Variants in SBNO1 observed in about 807,000 individuals in gnomAD.
The protein encoded by SBNO1 is strawberry notch homolog 1, also known as protein strawberry notch homolog 1.
Under a neutral mutation model 173.6 loss-of-function variants are expected in SBNO1, and 23 were observed. That is an observed-to-expected ratio of 0.13 (90% CI 0.10 to 0.19). The LOEUF is 0.19. Among genes scored for constraint, SBNO1 ranks in the 10% least tolerant of loss-of-function variants. SBNO1 has a pLI of 1.00. For synonymous variants in SBNO1, 632 were observed against 571.5 expected, an observed-to-expected ratio of 1.11 and a Z score of -1.51; for missense variants, 1,238 against 1,671.2, an observed-to-expected ratio of 0.74 and a Z score of 4.52.
chr12:123,346,723 T>C (rs898715158), intron 3 of SBNO1, among the ~76,000 whole-genome samples: 34 of 151,958 alleles, frequency 2.2e-4, no homozygotes, highest in Non-Finnish European at 4.3e-4. Flanking sequence ...CTTTTTTCAA[T>C]ATTTTGACTT....
At position 123,356,587 on chromosome 12, in the gene SBNO1, G is replaced by A. The variant is rs1376354311; in HGVS notation, c.1-6146C>T. Among the ~76,000 whole-genome samples, 5 of 152,136 alleles carry A rather than the reference G, an allele frequency of 3.3e-5. No individual in the cohort carries two copies. In the East Asian group the frequency reaches 5.8e-4, roughly 18 times the overall value. ...CTCCAGAGTAGCTGGTATTACAGGC[G>A]CGTGCCCCCACACCCAGCTAATTTT... On this transcript the variant is annotated intron_variant, in intron 1 of 31. Coordinates refer to ENST00000602398, the MANE Select transcript of SBNO1 (RefSeq NM_001167856.3).
At chr12:123,325,768 T>C (rs1217457360) in intron 14 of SBNO1, among the ~76,000 whole-genome samples, 169 bp from the exon 15 acceptor site, 1 of 100,406 alleles carries the variant, frequency 1.0e-5, no homozygotes, top group Non-Finnish European at 2.8e-5. Flanking sequence ...GACAGGTTAT[T>C]TGTCAAAAAT....
rs1299613347 is a variant in SBNO1, at chr12:123,350,530, T to C, written c.1-89A>G. On this transcript the variant is annotated intron_variant, in intron 1 of 31. Transcript: ENST00000602398. The stretch of plus-strand genomic sequence containing the variant: ...TAAATATAAACAATCCAACAATCTC[T>C]ATTAGACCCATTCATTCAGTATTAA... 15 of 1,017,480 alleles carry C rather than the reference T, an allele frequency of 1.5e-5. No homozygotes were observed. The East Asian group carries it at 3.3e-4, about 23-fold the overall frequency. The allele number at this position is 1,017,480 out of a possible 1,614,324, so 63.0% of individuals were successfully genotyped here. A position where few individuals can be genotyped will look rare whatever the true frequency, so the allele number is the denominator to read the frequency against.
intron 24 of SBNO1, among the ~76,000 whole-genome samples, chr12:123,311,375 A>G (rs74906341): frequency 1.3e-5 from 2 of 152,128 alleles, no homozygotes; most frequent in East Asian, 1.9e-4. Flanking sequence ...ACATGTTAAG[A>G]TTCTTTTCTT....
intron 6 of SBNO1, 103 bp downstream of exon 6, chr12:123,336,291 TA>T: frequency 1.3e-6 from 1 of 794,112 alleles, no homozygotes; most frequent in Non-Finnish European, 2.1e-6. Flanking sequence ...GACTTTGACC[TA>T]AAGCAAGATT....
chr12:123,327,911 A>C lies in SBNO1; in HGVS notation c.1413T>G (p.Val471=). 6.2e-7 allele frequency: 1 copy of C among 1,612,136 alleles called. No homozygotes were observed. Among genetic ancestry groups the C allele is most frequent in the Admixed American group, 1.7e-5 (1 of 59,954 alleles). The change falls in exon 11 of 32, where the codon GTT becomes GTG. Residue 471 remains valine, a synonymous_variant. Coordinates refer to ENST00000602398, the MANE Select transcript of SBNO1 (RefSeq NM_001167856.3). ...ACTCACCAGTTGCACTAGCATAAAC[A>C]ACTCTGGCTTTTGGCAATTTGTTCT... ...ELQNKLPKAR[V]VYASATGASE...
At chr12:123,312,495 T>A (rs1172367110) in intron 24 of SBNO1, among the ~76,000 whole-genome samples, 4 of 152,042 alleles carry the variant, frequency 2.6e-5, no homozygotes, top group African/African-American at 9.7e-5. Flanking sequence ...GAGGATCACA[T>A]GCGGCCAGGA....
intron 5 of SBNO1, among the ~76,000 whole-genome samples, chr12:123,339,587 G>C (rs974697314): frequency 8.6e-5 from 13 of 152,014 alleles, no homozygotes; most frequent in Admixed American, 8.5e-4. Context: ...AGGTATTCGA[G>C]ACCAGCCTGG....
In SBNO1 at chr12:123,302,895, G is replaced by A. The variant is rs760341980; in HGVS notation, c.3774C>T (p.Val1258=). The A allele has an allele frequency of 1.9e-6, 3 of 1,611,330 alleles. No homozygotes were observed. The highest frequency in any genetic ancestry group is 1.7e-5 in the Admixed American group (1 of 59,976). ...ADLKKKYKKV[V]SDDALMHWLD... ...ACCAGTGCATCAGGGCATCATCTGA[G>A]ACGACCTGTAAAAATGAGAAGAATT... Residue 1258 remains valine (V), a synonymous_variant, in exon 30 of 32, where the codon GTC becomes GTT. Coordinates refer to ENST00000602398, the MANE Select transcript of SBNO1 (RefSeq NM_001167856.3).
chr12:123,305,797 T>C (rs1054182278), intron 28 of SBNO1, among the ~76,000 whole-genome samples: 1 of 152,114 alleles, frequency 6.6e-6, no homozygotes, highest in African/African-American at 2.4e-5. Flanking sequence ...TAAAGTTGGA[T>C]TTATGAGAAA....
chr12:123,320,522 A>G lies in SBNO1; in HGVS notation c.2577T>C (p.Leu859=), dbSNP rs1330262125. 3 of 1,614,018 alleles carry G rather than the reference A, an allele frequency of 1.9e-6. No individual in the cohort carries two copies. Among genetic ancestry groups the G allele is most frequent in the Middle Eastern group, 1.6e-4 (1 of 6,082 alleles). Residue 859 remains leucine, a synonymous_variant, in exon 19 of 32, where the codon CTT becomes CTC. Transcript: ENST00000602398. The stretch of plus-strand genomic sequence containing the variant: ...CTTCAGCTAATTTTTCTAGCTTATC[A>G]AGCAGGTCTTTCTTCATCTGCTGAG... ...ERAQQMKKDL[L]DKLEKLAEDL... is the part of the protein sequence containing the mutation.
At chr12:123,308,027 G>A (rs1219251256) in intron 28 of SBNO1, among the ~76,000 whole-genome samples, 5 of 152,112 alleles carry the variant, frequency 3.3e-5, no homozygotes, top group South Asian at 2.1e-4. Context: ...AGCCAAGATC[G>A]TGCCACTGCA....
chr12:123,321,495 T>C, intron 17 of SBNO1, 40 bp downstream of exon 17: 1 of 1,371,946 alleles, frequency 7.3e-7, no homozygotes, highest in Non-Finnish European at 1.0e-6. Flanking sequence ...TATACTGAAA[T>C]ATTATATGCT....
At chr12:123,336,566 T>G in intron 5 of SBNO1, 75 bp from the exon 6 acceptor site, 9 of 850,210 alleles carry the variant, frequency 1.1e-5, no homozygotes, top group Non-Finnish European at 1.7e-5. Flanking sequence ...AAAAACTCTC[T>G]TGTAGGAACA....
intron 31 of SBNO1, among the ~76,000 whole-genome samples, chr12:123,296,466 T>C (rs989299139): frequency 2.0e-5 from 3 of 152,078 alleles, no homozygotes; most frequent in African/African-American, 4.8e-5. Context: ...GAAAGGATAC[T>C]CTCTGGGTGC....
chr12:123,337,005 G>A (rs548503519), intron 5 of SBNO1, among the ~76,000 whole-genome samples: 5 of 152,054 alleles, frequency 3.3e-5, no homozygotes, highest in Non-Finnish European at 4.4e-5. Flanking sequence ...CTGCTTTCCC[G>A]CATATCCTAA....
chr12:123,323,212 T>C (rs180746955), intron 16 of SBNO1, among the ~76,000 whole-genome samples: 7 of 152,324 alleles, frequency 4.6e-5, no homozygotes, highest in Admixed American at 3.3e-4. Flanking sequence ...CGGGGATAAC[T>C]TGTGCATTCA....
At position 123,298,257 on chromosome 12, in the gene SBNO1, TTTC is replaced by T. The variant is rs1347714057; in HGVS notation, c.3846-89_3846-87del. 4.5e-5 allele frequency: 51 copies of T among 1,123,560 alleles called. No individual in the cohort carries two copies. The East Asian group carries it at 1.2e-3, about 27-fold the overall frequency. The allele number at this position is 1,123,560 out of a possible 1,614,324, so 69.6% of individuals were successfully genotyped here. A position where few individuals can be genotyped will look rare whatever the true frequency, so the allele number is the denominator to read the frequency against. Reference sequence around the variant, plus strand: ...AAAAGATTTACAAGGTCAACTCAAATTTCTTTTCTTTTCTTTTTTTTTTGTTGA... The same window carrying T: ...AAAAGATTTACAAGGTCAACTCAAATTTTTCTTTTCTTTTTTTTTTGTTGA... On this transcript the variant is annotated intron_variant, in intron 30 of 31. Transcript: ENST00000602398.
intron 28 of SBNO1, among the ~76,000 whole-genome samples, chr12:123,305,267 C>G (rs749330647): frequency 6.6e-6 from 1 of 152,192 alleles, no homozygotes; most frequent in Non-Finnish European, 1.5e-5. Context: ...GTCCTCTGCA[C>G]TTGTCTACTC....
Sources: gnomAD v4.1 joint callset for allele counts (sites outside exome capture counted in the v4.1 genomes callset) on GRCh38, gnomAD v4.1.1 for gene constraint, MANE v1.5 for transcripts, NCBI Gene and HGNC (gene_info 2026-07-23, HGNC 2026-07-21) for gene names.